XPA: variants seen among roughly 807,000 people sequenced by gnomAD.
XPA encodes the protein XPA, DNA damage recognition and repair factor, also known as DNA repair protein complementing XP-A cells.
A neutral mutation model predicts 35.7 loss-of-function variants in XPA; 27 were observed. The ratio of observed to expected loss-of-function variants is 0.76; its 90% confidence interval spans 0.56 to 1.04. The LOEUF is 1.04. XPA is among the 50% of genes least tolerant of loss of function. The pLI, the probability that XPA is intolerant of heterozygous loss-of-function variation, is 0.00. For missense variants in XPA, 354 were observed against 342.7 expected, an observed-to-expected ratio of 1.03 and a Z score of -0.26; for synonymous variants, 133 against 118.4, an observed-to-expected ratio of 1.12 and a Z score of -0.80.
At chr9:97,666,826 C>T in the XPA span, 9 of 1,609,902 alleles carry the variant, frequency 5.6e-6, no homozygotes, top group Non-Finnish European at 7.6e-6. Flanking sequence ...TCCTGAAGAT[C>T]CAGAAAGAGC....
the XPA span, among the ~76,000 whole-genome samples, chr9:97,668,692 G>GTA: frequency 6.7e-6 from 1 of 150,208 alleles, no homozygotes; most frequent in Admixed American, 6.6e-5. Flanking sequence ...GGACTTTGAG[G>GTA]TATATATGTG....
At chr9:97,679,884 G>T (rs2131385646) in intron 5 of XPA, among the ~76,000 whole-genome samples, 1 of 152,150 alleles carries the variant, frequency 6.6e-6, no homozygotes, top group East Asian at 1.9e-4. Flanking sequence ...ACATCACCTT[G>T]AAAGTATTCC....
chr9:97,685,098 G>C, intron 4 of XPA, 58 bp from the exon 5 acceptor site: 1 of 1,406,868 alleles, frequency 7.1e-7, no homozygotes, highest in Non-Finnish European at 1.0e-6. Flanking sequence ...AAATATTATA[G>C]TTATAACTGT....
chr9:97,668,065 A>G, the XPA span, among the ~76,000 whole-genome samples: 1 of 152,174 alleles, frequency 6.6e-6, no homozygotes, highest in Non-Finnish European at 1.5e-5. Flanking sequence ...AGATCAGTAG[A>G]TGGGGCCTTA....
chr9:97,661,351 C>T, the XPA span, among the ~76,000 whole-genome samples: 2 of 152,126 alleles, frequency 1.3e-5, no homozygotes, highest in African/African-American at 4.8e-5. Flanking sequence ...TAGAGAAGTT[C>T]CTGAATAGAA....
chr9:97,666,954 TTGA>T, the XPA span: 193 of 1,075,866 alleles, frequency 1.8e-4, no homozygotes, highest in Non-Finnish European at 2.3e-4. Context: ...GTTCATTATC[TTGA>T]TGATATTTCA....
the XPA span, chr9:97,654,732 A>G: frequency 1.3e-6 from 1 of 741,408 alleles, no homozygotes; most frequent in Non-Finnish European, 2.2e-6. Flanking sequence ...AAGCTGTAAG[A>G]AAAAACAAAA....
Position 97,690,676 on chromosome 9 carries a change from G to A in XPA, c.284-1037C>T, listed in dbSNP as rs891122583. Among the ~76,000 whole-genome samples the A allele has an allele frequency of 1.9e-4, 29 of 152,166 alleles. 1 individual carries two copies. The highest frequency in any genetic ancestry group is 1.8e-3 in the Admixed American group (28 of 15,286). On this transcript the variant is annotated intron_variant, in intron 2 of 5. Coordinates refer to ENST00000375128, the MANE Select transcript of XPA (RefSeq NM_000380.4). The stretch of plus-strand genomic sequence containing the variant: ...GCTGGGATTACAGGCATGAGCCACT[G>A]TACCCAGCCCTAATTTTTGTATTTT...
At chr9:97,693,822 A>C in intron 1 of XPA, 63 bp from the exon 2 acceptor site, 1 of 1,471,296 alleles carries the variant, frequency 6.8e-7, no homozygotes, top group East Asian at 2.3e-5. Context: ...TACCTTGTTC[A>C]TAAATAGAAA....
In XPA at chr9:97,675,311, ATTAC is replaced by A. The variant is rs1828318869; in HGVS notation, c.*124_*127del. The A allele has an allele frequency of 3.8e-6, 4 of 1,039,236 alleles. No homozygotes were observed. Among genetic ancestry groups the A allele is most frequent in the Non-Finnish European group, 5.6e-6 (4 of 711,440 alleles). The allele number at this position is 1,039,236 out of a possible 1,614,324, so 64.4% of individuals were successfully genotyped here. A position where few individuals can be genotyped will look rare whatever the true frequency, so the allele number is the denominator to read the frequency against. ...TAACATACATAATTATTACTGAAGTATTACTTATACAAGGGTTTCATTCATCTAT... is the reference window on the plus strand; with the variant it reads ...TAACATACATAATTATTACTGAAGTATTATACAAGGGTTTCATTCATCTAT... On this transcript the variant is annotated 3_prime_UTR_variant, in exon 6 of 6. Coordinates refer to ENST00000375128, the MANE Select transcript of XPA (RefSeq NM_000380.4).
At chr9:97,666,588 G>C in the XPA span, among the ~76,000 whole-genome samples, 2 of 152,170 alleles carry the variant, frequency 1.3e-5, no homozygotes, top group Admixed American at 6.5e-5. Flanking sequence ...ATAGATACTT[G>C]CACAATTTAC....
At chr9:97,691,356 C>G (rs974234567) in intron 2 of XPA, among the ~76,000 whole-genome samples, 1 of 152,136 alleles carries the variant, frequency 6.6e-6, no homozygotes, top group Non-Finnish European at 1.5e-5. Flanking sequence ...CTTCAAATGC[C>G]TAGCTAAGGA....
the XPA span, chr9:97,664,348 T>C: frequency 1.2e-6 from 2 of 1,604,214 alleles, no homozygotes; most frequent in Non-Finnish European, 1.7e-6. Flanking sequence ...AGATGATTGC[T>C]GTACTAGTGG....
At chr9:97,655,390 T>G in the XPA span, among the ~76,000 whole-genome samples, 5 of 150,878 alleles carry the variant, frequency 3.3e-5, no homozygotes, top group Non-Finnish European at 5.9e-5. Flanking sequence ...TACAATTTCA[T>G]AAAATTTTTT....
intron 1 of XPA, among the ~76,000 whole-genome samples, chr9:97,695,072 G>T: frequency 6.6e-6 from 1 of 152,216 alleles, no homozygotes; most frequent in Non-Finnish European, 1.5e-5. Context: ...ACTTCTGAGA[G>T]TAGAGAGTGG....
chr9:97,684,242 G>A (rs553637294), intron 5 of XPA, among the ~76,000 whole-genome samples: 6 of 151,650 alleles, frequency 4.0e-5, no homozygotes, highest in South Asian at 2.1e-4. Context: ...AATACTGGAT[G>A]TATTGATGGA....
chr9:97,693,998 TA>T (rs1421770899), intron 1 of XPA, among the ~76,000 whole-genome samples: 1 of 152,244 alleles, frequency 6.6e-6, no homozygotes, highest in African/African-American at 2.4e-5. Context: ...ACAGATGATG[TA>T]ATTATGTGTG....
rs748832661 is a variant in XPA at position 97,693,758 on chromosome 9, G to T, written c.174C>A (p.Gly58=). The change falls in exon 2 of 6, where the codon GGC becomes GGA. Residue 58 remains glycine, a splice_region_variant and synonymous_variant. Transcript: ENST00000375128. ...TTGGGGCTGCTTTTACATTAGCCATGCCTACAAAAGTAAGTAAAAGCAGTC... is the reference window on the plus strand; with the variant it reads ...TTGGGGCTGCTTTTACATTAGCCATTCCTACAAAAGTAAGTAAAAGCAGTC... ...YSATAAAATG[G]MANVKAAPKI... 4 of 1,612,334 alleles carry T rather than the reference G, an allele frequency of 2.5e-6. No individual in the cohort carries two copies. Among genetic ancestry groups the T allele is most frequent in the Non-Finnish European group, 3.4e-6 (4 of 1,179,762 alleles).
chr9:97,657,926 ATTTT>A, the XPA span, among the ~76,000 whole-genome samples: 3,251 of 91,376 alleles, frequency 0.036, 187 homozygotes, highest in African/African-American at 0.12. Flanking sequence ...ATATATATAT[ATTTT>A]TTTTTTTTTT....
Sources: gnomAD v4.1 joint callset for allele counts (sites outside exome capture counted in the v4.1 genomes callset) on GRCh38, gnomAD v4.1.1 for gene constraint, MANE v1.5 for transcripts, NCBI Gene and HGNC (gene_info 2026-07-23, HGNC 2026-07-21) for gene names.